The following KCNC2 variants were observed in gnomAD, a reference collection of about 807,000 sequenced individuals.
KCNC2 encodes voltage-gated potassium channel KCNC2.
KCNC2 carries 21 observed loss-of-function variants against 44.5 expected under a neutral mutation model. The ratio of observed to expected loss-of-function variants is 0.47; its 90% CI spans 0.33 to 0.68. The LOEUF is 0.68. Ranked by LOEUF, KCNC2 falls within the 30% of genes least tolerant of loss-of-function variation. The pLI is 0.01. For missense variants in KCNC2, 589 were observed against 826.2 expected (o/e 0.71, Z 3.52); for synonymous variants, 391 against 339.1 (o/e 1.15, Z -1.68).
intron 2 of KCNC2, among the ~76,000 whole-genome samples, chr12:75,144,883 G>A (rs770932526): frequency 1.1e-4 from 16 of 151,372 alleles, no homozygotes; most frequent in Non-Finnish European, 1.9e-4. Flanking sequence ...TTCCATAATC[G>A]AAATAGTCAG....
chr12:75,056,466 GT>G (rs1475915055), intron 2 of KCNC2, among the ~76,000 whole-genome samples: 1 of 151,774 alleles, frequency 6.6e-6, no homozygotes, highest in Non-Finnish European at 1.5e-5. Flanking sequence ...TTTTACATAA[GT>G]TGCATTATTT....
intron 2 of KCNC2, among the ~76,000 whole-genome samples, chr12:75,087,821 C>A (rs1885148515): frequency 6.6e-6 from 1 of 151,992 alleles, no homozygotes; most frequent in Non-Finnish European, 1.5e-5. Context: ...GAAACTGATT[C>A]AAAGAACCTT....
chr12:75,077,575 G>C (rs1775081993), intron 2 of KCNC2, among the ~76,000 whole-genome samples: 1 of 152,062 alleles, frequency 6.6e-6, no homozygotes, highest in South Asian at 2.1e-4. Flanking sequence ...TAACTTGAAA[G>C]GGCAAAATTT....
intron 2 of KCNC2, among the ~76,000 whole-genome samples, chr12:75,090,046 G>T (rs1885340461): frequency 1.3e-5 from 2 of 151,630 alleles, no homozygotes; most frequent in Admixed American, 1.3e-4. Context: ...AGGAAATTTT[G>T]AAAATAATAT....
At chr12:75,163,086 T>C (rs1217318149) in intron 2 of KCNC2, among the ~76,000 whole-genome samples, 2 of 151,748 alleles carry the variant, frequency 1.3e-5, no homozygotes, top group Non-Finnish European at 2.9e-5. Flanking sequence ...GATGGCATGC[T>C]CTATTTGCTC....
At chr12:75,058,990 C>A (rs1344318554) in intron 2 of KCNC2, among the ~76,000 whole-genome samples, 1 of 151,926 alleles carries the variant, frequency 6.6e-6, no homozygotes, top group East Asian at 1.9e-4. Context: ...TGGTACACTC[C>A]AGCAGGTGTT....
chr12:75,143,099 T>C (rs1889772069), intron 2 of KCNC2, among the ~76,000 whole-genome samples: 1 of 152,190 alleles, frequency 6.6e-6, no homozygotes, highest in South Asian at 2.1e-4. Context: ...TTAGAAATGA[T>C]GATGTTAGTG....
rs184829304 is a variant in KCNC2 at position 75,101,129 on chromosome 12, C to T, written c.688-49812G>A. Among the ~76,000 whole-genome samples, 311 of 152,176 alleles carry T rather than the reference C, an allele frequency of 2.0e-3. 1 individual carries two copies. Among genetic ancestry groups the T allele is most frequent in the Non-Finnish European group, 3.5e-3 (236 of 67,948 alleles). On this transcript the variant is annotated intron_variant, in intron 2 of 4. Transcript: ENST00000549446. Reference sequence around the variant, plus strand: ...ATTTAGGCCTCCCGTCTTGGGATTTCAAACCTTATATTTATTATACAAAAT... The same window carrying T: ...ATTTAGGCCTCCCGTCTTGGGATTTTAAACCTTATATTTATTATACAAAAT...
intron 2 of KCNC2, among the ~76,000 whole-genome samples, chr12:75,103,099 C>A (rs573787295): frequency 4.9e-4 from 75 of 152,154 alleles, no homozygotes; most frequent in South Asian, 1.0e-3. Flanking sequence ...TAAGAAGGTG[C>A]CGAATTGCTT....
At chr12:75,143,553 C>T (rs899774790) in intron 2 of KCNC2, among the ~76,000 whole-genome samples, 1 of 152,108 alleles carries the variant, frequency 6.6e-6, no homozygotes. Context: ...GATTCAAGCC[C>T]TACATGCCTG....
chr12:75,124,332 C>T (rs143033540), intron 2 of KCNC2, among the ~76,000 whole-genome samples: 1,527 of 152,280 alleles, frequency 0.01, 9 homozygotes, highest in Non-Finnish European at 0.018. Flanking sequence ...CAGCAGCTAA[C>T]CAGCTGTTTA....
chr12:75,146,017 G>A (rs1010034532), intron 2 of KCNC2, among the ~76,000 whole-genome samples: 2 of 149,382 alleles, frequency 1.3e-5, no homozygotes, highest in Admixed American at 6.7e-5. Context: ...GCAGTGGCGC[G>A]ATCTCTGTTC....
intron 2 of KCNC2, among the ~76,000 whole-genome samples, chr12:75,175,900 T>C (rs78856688): frequency 0.021 from 3,270 of 152,160 alleles, 105 homozygotes; most frequent in African/African-American, 0.074. Flanking sequence ...TTCAGGTAAA[T>C]AGTGAAAACA....
At chr12:75,103,800 G>T (rs753354310) in intron 2 of KCNC2, among the ~76,000 whole-genome samples, 1 of 152,144 alleles carries the variant, frequency 6.6e-6, no homozygotes, top group Non-Finnish European at 1.5e-5. Context: ...CACAGTAAGA[G>T]ATTAACAACA....
intron 2 of KCNC2, among the ~76,000 whole-genome samples, chr12:75,166,594 TAAAATTATAC>T (rs1234539594): frequency 6.6e-6 from 1 of 151,394 alleles, no homozygotes; most frequent in African/African-American, 2.4e-5. Flanking sequence ...CTATAAGTAT[TAAAATTATAC>T]AAACTACATT....
chr12:75,096,694 C>T (rs1270942600), intron 2 of KCNC2, among the ~76,000 whole-genome samples: 1 of 151,922 alleles, frequency 6.6e-6, no homozygotes, highest in Non-Finnish European at 1.5e-5. Context: ...ACATACCCAC[C>T]CTTACACTAT....
intron 2 of KCNC2, among the ~76,000 whole-genome samples, chr12:75,178,653 A>C (rs1317363701): frequency 6.6e-6 from 1 of 152,050 alleles, no homozygotes; most frequent in African/African-American, 2.4e-5. Context: ...TTAAATCAAA[A>C]CAATAACAAA....
chr12:75,121,993 T>C (rs1396752769), intron 2 of KCNC2, among the ~76,000 whole-genome samples: 1 of 152,068 alleles, frequency 6.6e-6, no homozygotes, highest in African/African-American at 2.4e-5. Context: ...GAATCCTCAC[T>C]TGGAGGCCAC....
At chr12:75,205,895 T>TG (rs2031651208) in intron 2 of KCNC2, among the ~76,000 whole-genome samples, 1 of 139,914 alleles carries the variant, frequency 7.1e-6, no homozygotes, top group South Asian at 2.2e-4. Context: ...TGGCATGGCC[T>TG]GAAAAAAAAA....
Sources: gnomAD v4.1 joint callset for allele counts (sites outside exome capture counted in the v4.1 genomes callset) on GRCh38, gnomAD v4.1.1 for gene constraint, MANE v1.5 for transcripts, NCBI Gene and HGNC (gene_info 2026-07-23, HGNC 2026-07-21) for gene names.